Variants in PDGFD observed in about 807,000 individuals in gnomAD.
PDGFD encodes the protein platelet-derived growth factor D.
Under a neutral mutation model 44.7 loss-of-function variants are expected in PDGFD, and 30 were observed. That is an observed-to-expected ratio of 0.67 (90% CI 0.50 to 0.91). The LOEUF (loss-of-function observed/expected upper bound fraction) is 0.91, where lower values mean the gene tolerates loss of function less well. PDGFD is among the 40% of genes least tolerant of loss of function. The pLI is 0.00. For missense variants in PDGFD, 445 were observed against 457.8 expected, an observed-to-expected ratio of 0.97 and a Z score of 0.25; for synonymous variants, 173 against 168.4, an observed-to-expected ratio of 1.03 and a Z score of -0.21.
At position 103,977,069 on chromosome 11, in the gene PDGFD, C is replaced by G. The variant is rs532249138; in HGVS notation, c.510+18996G>C. Among the ~76,000 whole-genome samples, 841 of 152,068 alleles carry G rather than the reference C, an allele frequency of 5.5e-3. 1 individual carries two copies. The highest frequency in any genetic ancestry group is 9.3e-3 in the Non-Finnish European group (632 of 67,940). Reference sequence around the variant, plus strand: ...TCAGAGAACACTAAAAACACCTCTACGCAAATAAACTAGAAAAATTTAGAA... The same window carrying G: ...TCAGAGAACACTAAAAACACCTCTAGGCAAATAAACTAGAAAAATTTAGAA... On this transcript the variant is annotated intron_variant, in intron 3 of 6. Coordinates refer to ENST00000393158, the MANE Select transcript of PDGFD (RefSeq NM_025208.5).
intron 5 of PDGFD, among the ~76,000 whole-genome samples, chr11:103,934,739 G>T (rs541501863): frequency 6.6e-6 from 1 of 152,288 alleles, no homozygotes; most frequent in Non-Finnish European, 1.5e-5. Flanking sequence ...CACAAGAATA[G>T]CATGGGGAAA....
At chr11:103,995,764 T>C (rs1859525366) in intron 3 of PDGFD, among the ~76,000 whole-genome samples, 1 of 152,222 alleles carries the variant, frequency 6.6e-6, no homozygotes, top group Non-Finnish European at 1.5e-5. Flanking sequence ...TGGCTGTATG[T>C]TTACCTTGCA....
intron 1 of PDGFD, among the ~76,000 whole-genome samples, chr11:104,091,390 G>A (rs1861211280): frequency 6.6e-6 from 1 of 152,058 alleles, no homozygotes; most frequent in Non-Finnish European, 1.5e-5. Flanking sequence ...ATACATTTCA[G>A]TCCTGCAGCC....
intron 3 of PDGFD, among the ~76,000 whole-genome samples, chr11:103,952,227 T>G (rs1026585870): frequency 6.6e-6 from 1 of 152,160 alleles, no homozygotes; most frequent in Non-Finnish European, 1.5e-5. Flanking sequence ...CTTTAAGAAA[T>G]GCTAAAATAG....
intron 1 of PDGFD, among the ~76,000 whole-genome samples, chr11:104,101,475 C>G (rs967709217): frequency 1.3e-5 from 2 of 151,288 alleles, no homozygotes; most frequent in Admixed American, 6.6e-5. Context: ...ATGGAAGAAT[C>G]AATATCGTGA....
Position 103,909,421 on chromosome 11 carries a change from T to C in PDGFD, c.*273A>G, listed in dbSNP as rs1857992724. 3 of 368,144 alleles carry C rather than the reference T, an allele frequency of 8.1e-6. No homozygotes were observed. Among genetic ancestry groups the C allele is most frequent in the South Asian group, 4.1e-5 (1 of 24,482 alleles). 22.8% of individuals were successfully genotyped at this position (368,144 alleles called of 1,614,324 possible). A position where few individuals can be genotyped will look rare whatever the true frequency, so the allele number is the denominator to read the frequency against. Reference sequence around the variant, plus strand: ...AAAAAACATTTGATCTATATACACATAGACATGAATATATTTCTGTGTGTG... The same window carrying C: ...AAAAAACATTTGATCTATATACACACAGACATGAATATATTTCTGTGTGTG... On this transcript the variant is annotated 3_prime_UTR_variant, in exon 7 of 7. Transcript: ENST00000393158.
intron 1 of PDGFD, among the ~76,000 whole-genome samples, chr11:104,115,492 A>G (rs539499827): frequency 6.6e-6 from 1 of 152,060 alleles, no homozygotes; most frequent in East Asian, 1.9e-4. Context: ...GTGCTGGTAT[A>G]AACATGTGTG....
intron 1 of PDGFD, among the ~76,000 whole-genome samples, chr11:104,019,177 T>C (rs1173755398): frequency 6.6e-6 from 1 of 152,232 alleles, no homozygotes; most frequent in Non-Finnish European, 1.5e-5. Flanking sequence ...TAGCAAACAA[T>C]GAGCTTTGAA....
chr11:104,106,360 A>AAG (rs1861471623), intron 1 of PDGFD, among the ~76,000 whole-genome samples: 1 of 152,164 alleles, frequency 6.6e-6, no homozygotes, highest in Non-Finnish European at 1.5e-5. Context: ...CTAATACCAT[A>AAG]AGACATAGTT....
At position 104,140,754 on chromosome 11, in the gene PDGFD, A is replaced by C. The variant is rs76010457; in HGVS notation, c.124+23050T>G. ...CAAACACAACAATCATTTCTATTTT[A>C]CTATCTCCCTATTGCTAATGTCCTA... On this transcript the variant is annotated intron_variant, in intron 1 of 6. Transcript: ENST00000393158. Among the ~76,000 whole-genome samples, 10 of 152,228 alleles carry C rather than the reference A, an allele frequency of 6.6e-5. 1 individual carries two copies. The East Asian group carries it at 1.9e-3, about 29-fold the overall frequency.
intron 3 of PDGFD, among the ~76,000 whole-genome samples, chr11:103,991,479 T>C (rs1402505367): frequency 6.6e-6 from 1 of 152,200 alleles, no homozygotes; most frequent in Non-Finnish European, 1.5e-5. Flanking sequence ...AAGCAACTGA[T>C]ATGACAAAAT....
At chr11:104,010,355 G>C (rs1023411051) in intron 1 of PDGFD, among the ~76,000 whole-genome samples, 2 of 151,912 alleles carry the variant, frequency 1.3e-5, no homozygotes, top group African/African-American at 4.8e-5. Flanking sequence ...CACCAAAAAA[G>C]AATAAATGAA....
chr11:104,081,508 C>T (rs1049113574), intron 1 of PDGFD, among the ~76,000 whole-genome samples: 4 of 152,132 alleles, frequency 2.6e-5, no homozygotes, highest in Admixed American at 6.6e-5. Flanking sequence ...CCCATAATGT[C>T]TATCAACTCT....
chr11:104,091,501 T>C (rs17423437), intron 1 of PDGFD, among the ~76,000 whole-genome samples: 17,253 of 152,170 alleles, frequency 0.11, 1,067 homozygotes, highest in South Asian at 0.21. Flanking sequence ...TATTCAAAAA[T>C]TGATTTACAT....
chr11:103,937,904 T>C (rs1243563102), intron 5 of PDGFD, among the ~76,000 whole-genome samples: 1 of 151,886 alleles, frequency 6.6e-6, no homozygotes, highest in East Asian at 1.9e-4. Flanking sequence ...TATGGCTGCA[T>C]AGTATTCCAT....
At chr11:104,064,803 TATAA>T (rs1860764801) in intron 1 of PDGFD, among the ~76,000 whole-genome samples, 1 of 152,162 alleles carries the variant, frequency 6.6e-6, no homozygotes, top group African/African-American at 2.4e-5. Context: ...TGAGGCAATA[TATAA>T]ATGTTTATGC....
At chr11:104,092,146 T>C (rs1555052167) in intron 1 of PDGFD, among the ~76,000 whole-genome samples, 1 of 152,168 alleles carries the variant, frequency 6.6e-6, no homozygotes, top group Non-Finnish European at 1.5e-5. Flanking sequence ...ATAGCTAGTG[T>C]ATATCAGTGC....
At chr11:104,021,778 C>A (rs1341000075) in intron 1 of PDGFD, among the ~76,000 whole-genome samples, 4 of 152,142 alleles carry the variant, frequency 2.6e-5, no homozygotes, top group Non-Finnish European at 5.9e-5. Context: ...ATGCTGATAG[C>A]TAACCAATTC....
chr11:104,067,287 T>C (rs558603084), intron 1 of PDGFD, among the ~76,000 whole-genome samples: 217 of 152,296 alleles, frequency 1.4e-3, no homozygotes, highest in African/African-American at 5.0e-3. Context: ...AATTATAGTT[T>C]GAAACTCATT....
Sources: allele counts gnomAD v4.1 joint callset (sites outside exome capture counted in the v4.1 genomes callset), GRCh38; gene constraint gnomAD v4.1.1; transcripts MANE v1.5; gene names NCBI Gene and HGNC (gene_info 2026-07-23, HGNC 2026-07-21).